Variants in ADCY2 observed in about 807,000 individuals in gnomAD.
ADCY2 encodes adenylate cyclase type 2.
In ADCY2, 31 loss-of-function variants were observed where a neutral mutation model predicts 125.2. That is an observed-to-expected ratio of 0.25 (90% CI 0.19 to 0.33). The LOEUF (loss-of-function observed/expected upper bound fraction) is 0.33. Ranked by LOEUF, ADCY2 falls within the 10% of genes least tolerant of loss-of-function variation. The pLI is 1.00. For synonymous variants in ADCY2, 512 were observed against 548.4 expected (o/e 0.93, Z 0.93); for missense variants, 904 against 1,418.2 (o/e 0.64, Z 5.82).
intron 20 of ADCY2, chr5:7,798,174 A>G (rs1016602062): frequency 3.1e-5 from 4 of 130,154 alleles, no homozygotes; most frequent in African/African-American, 8.5e-5. Context: ...AGGCACCTCC[A>G]CAGAGAAAGC....
chr5:7,688,601 ACTTTCCTCACCAG>A (rs1740608631), intron 4 of ADCY2, among the ~76,000 whole-genome samples: 1 of 152,096 alleles, frequency 6.6e-6, no homozygotes, highest in South Asian at 2.1e-4. Context: ...GAAATTTCAC[ACTTTCCTCACCAG>A]CTTTCCTCTA....
Position 7,536,913 on chromosome 5 carries a change from T to C in ADCY2, c.570+16014T>C, listed in dbSNP as rs183821811. ...GGGTGCAGGAATAGTTTTTTTCTTA[T>C]AAATAAGGTTTCACGTTGATCTAAC... On this transcript the variant is annotated intron_variant, in intron 3 of 24. Coordinates refer to ENST00000338316, the MANE Select transcript of ADCY2 (RefSeq NM_020546.3). Among the ~76,000 whole-genome samples the C allele has an allele frequency of 3.7e-3, 561 of 152,288 alleles. 10 individuals are homozygous for C. Among genetic ancestry groups the C allele is most frequent in the Admixed American group, 0.032 (494 of 15,292 alleles).
chr5:7,507,549 C>T (rs927093634), intron 2 of ADCY2, among the ~76,000 whole-genome samples: 4 of 150,686 alleles, frequency 2.7e-5, no homozygotes, highest in Admixed American at 2.6e-4. Context: ...TTACAAGGTA[C>T]ATTATTTTCT....
chr5:7,809,770 C>G (rs540772517), intron 22 of ADCY2, among the ~76,000 whole-genome samples: 243 of 152,296 alleles, frequency 1.6e-3, no homozygotes, highest in South Asian at 5.6e-3. Flanking sequence ...TTGTGCCTGG[C>G]TCTGTTTTGC....
At chr5:7,649,757 T>C (rs957218169) in intron 4 of ADCY2, among the ~76,000 whole-genome samples, 1 of 152,224 alleles carries the variant, frequency 6.6e-6, no homozygotes, top group Non-Finnish European at 1.5e-5. Context: ...CTTAGTATAG[T>C]CTTCATTTGA....
At chr5:7,495,580 A>C (rs1279145262) in intron 2 of ADCY2, among the ~76,000 whole-genome samples, 2 of 152,202 alleles carry the variant, frequency 1.3e-5, no homozygotes, top group Non-Finnish European at 2.9e-5. Context: ...GTATTTATGA[A>C]TTGCTTTTAA....
chr5:7,411,339 C>A (rs1466241432), intron 1 of ADCY2, among the ~76,000 whole-genome samples: 2 of 152,172 alleles, frequency 1.3e-5, no homozygotes, highest in African/African-American at 2.4e-5. Context: ...CTCTCCTCCT[C>A]TGCTATGCAG....
intron 3 of ADCY2, 33 bp downstream of exon 3, chr5:7,520,932 T>G (rs950000604): frequency 4.2e-5 from 67 of 1,611,164 alleles, no homozygotes; most frequent in Non-Finnish European, 5.7e-5. Context: ...GGAGAATGAC[T>G]TTCCACATCC....
chr5:7,737,204 T>C (rs1404935726), intron 14 of ADCY2, among the ~76,000 whole-genome samples: 1 of 152,090 alleles, frequency 6.6e-6, no homozygotes, highest in Non-Finnish European at 1.5e-5. Context: ...TAAAGAAGTA[T>C]TTACAGAATG....
chr5:7,559,040 G>A (rs186543335), intron 3 of ADCY2, among the ~76,000 whole-genome samples: 106 of 152,228 alleles, frequency 7.0e-4, no homozygotes, highest in Non-Finnish European at 1.1e-3. Context: ...CTGTGTGTCT[G>A]TTTTTGTACC....
At chr5:7,603,246 T>C (rs1737273786) in intron 3 of ADCY2, among the ~76,000 whole-genome samples, 1 of 152,188 alleles carries the variant, frequency 6.6e-6, no homozygotes, top group Non-Finnish European at 1.5e-5. Context: ...TGTGTGGATG[T>C]TCAGCGTCTG....
intron 2 of ADCY2, among the ~76,000 whole-genome samples, chr5:7,433,115 A>T (rs1289510286): frequency 6.6e-6 from 1 of 152,218 alleles, no homozygotes; most frequent in African/African-American, 2.4e-5. Context: ...TGACTCGCCA[A>T]AAAACGTGTC....
intron 16 of ADCY2, among the ~76,000 whole-genome samples, chr5:7,762,990 A>G (rs1442217456): frequency 1.9e-4 from 1 of 5,132 alleles, no homozygotes; most frequent in Non-Finnish European, 6.9e-4. Flanking sequence ...TATAGCACCT[A>G]TGATTTTTTT....
chr5:7,575,222 A>C (rs1460936755), intron 3 of ADCY2, among the ~76,000 whole-genome samples: 1 of 152,136 alleles, frequency 6.6e-6, no homozygotes, highest in Non-Finnish European at 1.5e-5. Flanking sequence ...ATTTTAATAT[A>C]ATCTTTGGAA....
chr5:7,645,544 G>A (rs1356515078), intron 4 of ADCY2, among the ~76,000 whole-genome samples: 1 of 139,472 alleles, frequency 7.2e-6, no homozygotes, highest in Non-Finnish European at 1.5e-5. Flanking sequence ...CTTTGGGAAG[G>A]AGGATGACTG....
chr5:7,471,616 A>G (rs1742340557), intron 2 of ADCY2, among the ~76,000 whole-genome samples: 2 of 151,918 alleles, frequency 1.3e-5, no homozygotes, highest in Non-Finnish European at 2.9e-5. Context: ...TTTTAGAGTT[A>G]TTTTAAAAGG....
At chr5:7,632,473 C>A (rs986485325) in intron 4 of ADCY2, among the ~76,000 whole-genome samples, 1 of 151,916 alleles carries the variant, frequency 6.6e-6, no homozygotes. Flanking sequence ...CATCTCTTCC[C>A]CAGTGCAGAG....
At chr5:7,621,431 C>T (rs1437232694) in intron 3 of ADCY2, among the ~76,000 whole-genome samples, 1 of 152,188 alleles carries the variant, frequency 6.6e-6, no homozygotes, top group African/African-American at 2.4e-5. Context: ...AACACCTTCC[C>T]CATCCCCTAG....
At chr5:7,623,764 A>C (rs1024973780) in intron 3 of ADCY2, among the ~76,000 whole-genome samples, 2 of 152,214 alleles carry the variant, frequency 1.3e-5, no homozygotes, top group Non-Finnish European at 2.9e-5. Context: ...TAGGCCTTCC[A>C]CACAGAGCAC....
Sources: gnomAD v4.1 joint callset for allele counts (sites outside exome capture counted in the v4.1 genomes callset) on GRCh38, gnomAD v4.1.1 for gene constraint, MANE v1.5 for transcripts, NCBI Gene and HGNC (gene_info 2026-07-23, HGNC 2026-07-21) for gene names.